ROBO1: variants seen among roughly 807,000 people sequenced by gnomAD.
ROBO1 encodes the protein roundabout guidance receptor 1.
Under a neutral mutation model 195.9 loss-of-function variants are expected in ROBO1, and 149 were observed. That is an observed-to-expected ratio of 0.76 (90% CI 0.67 to 0.87). The LOEUF (loss-of-function observed/expected upper bound fraction) is 0.87. Among genes scored for constraint, ROBO1 ranks in the 40% least tolerant of loss-of-function variants. ROBO1 has a pLI of 0.00. For synonymous variants in ROBO1, 816 were observed against 733.2 expected, an observed-to-expected ratio of 1.11 and a Z score of -1.82; for missense variants, 1,933 against 2,068.3, an observed-to-expected ratio of 0.93 and a Z score of 1.27.
At chr3:79,664,556 T>G (rs1946421285) in intron 1 of ROBO1, among the ~76,000 whole-genome samples, 1 of 151,996 alleles carries the variant, frequency 6.6e-6, no homozygotes. Flanking sequence ...TAGGATTGGC[T>G]TCAATTTATT....
chr3:79,051,932 G>A (rs1186670103), intron 3 of ROBO1, among the ~76,000 whole-genome samples: 2 of 152,020 alleles, frequency 1.3e-5, no homozygotes, highest in African/African-American at 4.8e-5. Flanking sequence ...GAGGATGTAT[G>A]TTGCCTCAGG....
intron 8 of ROBO1, among the ~76,000 whole-genome samples, chr3:78,712,614 A>G (rs1012364758): frequency 6.6e-6 from 1 of 152,184 alleles, no homozygotes; most frequent in Non-Finnish European, 1.5e-5. Context: ...TATATCCTCA[A>G]CTATATAAAG....
chr3:79,582,400 T>C (rs1943690837), intron 2 of ROBO1, among the ~76,000 whole-genome samples: 1 of 151,814 alleles, frequency 6.6e-6, no homozygotes, highest in Non-Finnish European at 1.5e-5. Context: ...TATTCTATTA[T>C]AATAATAATT....
intron 2 of ROBO1, among the ~76,000 whole-genome samples, chr3:79,288,634 T>C (rs1428685886): frequency 6.6e-6 from 1 of 152,176 alleles, no homozygotes. Context: ...AATCAATCTT[T>C]CCTTACATTC....
chr3:79,052,798 T>C (rs537359611), intron 3 of ROBO1, among the ~76,000 whole-genome samples: 219 of 152,202 alleles, frequency 1.4e-3, no homozygotes, highest in African/African-American at 5.0e-3. Flanking sequence ...GGAACCCAAT[T>C]CCCTTTGGTA....
intron 4 of ROBO1, among the ~76,000 whole-genome samples, chr3:78,748,335 C>T (rs529458789): frequency 6.6e-6 from 1 of 152,208 alleles, no homozygotes; most frequent in South Asian, 2.1e-4. Context: ...ATCCCAGCTA[C>T]TCCGGAGGCT....
At chr3:79,221,786 C>T (rs1390571211) in intron 2 of ROBO1, among the ~76,000 whole-genome samples, 1 of 151,994 alleles carries the variant, frequency 6.6e-6, no homozygotes, top group Non-Finnish European at 1.5e-5. Context: ...ATTAAAAATT[C>T]AAGTAAACAT....
chr3:79,758,693 A>G (rs1704535446), intron 1 of ROBO1, among the ~76,000 whole-genome samples: 1 of 152,164 alleles, frequency 6.6e-6, no homozygotes, highest in Admixed American at 6.5e-5. Flanking sequence ...TTGGAAACAG[A>G]GTGGTGTGTT....
At chr3:79,339,171 C>T (rs545974191) in intron 2 of ROBO1, among the ~76,000 whole-genome samples, 1 of 152,286 alleles carries the variant, frequency 6.6e-6, no homozygotes, top group South Asian at 2.1e-4. Context: ...TTGTAATAGT[C>T]CCCTGTCTCT....
chr3:79,750,106 C>T (rs986036009), intron 1 of ROBO1, among the ~76,000 whole-genome samples: 10 of 152,250 alleles, frequency 6.6e-5, no homozygotes, highest in Non-Finnish European at 1.5e-4. Flanking sequence ...ACGACTCTTG[C>T]ATCAGCATGA....
At chr3:78,849,530 T>C (rs929048385) in intron 4 of ROBO1, among the ~76,000 whole-genome samples, 1 of 152,180 alleles carries the variant, frequency 6.6e-6, no homozygotes, top group African/African-American at 2.4e-5. Context: ...TTTGATAGTC[T>C]GGAGTTATTA....
chr3:79,481,665 A>G (rs377767289), intron 2 of ROBO1, among the ~76,000 whole-genome samples: 14 of 152,276 alleles, frequency 9.2e-5, no homozygotes, highest in Non-Finnish European at 1.0e-4. Context: ...AACCATTTTT[A>G]GTGCCAACAT....
intron 2 of ROBO1, among the ~76,000 whole-genome samples, chr3:79,247,505 T>A (rs2082646631): frequency 6.6e-6 from 1 of 151,882 alleles, no homozygotes; most frequent in African/African-American, 2.4e-5. Context: ...ACTAAGAGAA[T>A]CTTGTTTAAG....
chr3:78,893,926 A>C (rs2107396372), intron 4 of ROBO1, among the ~76,000 whole-genome samples: 1 of 152,258 alleles, frequency 6.6e-6, no homozygotes, highest in South Asian at 2.1e-4. Context: ...ATTTTGACAT[A>C]TTTGCTTTCC....
At chr3:79,360,335 A>G (rs2035718809) in intron 2 of ROBO1, among the ~76,000 whole-genome samples, 3 of 152,006 alleles carry the variant, frequency 2.0e-5, no homozygotes, top group African/African-American at 7.2e-5. Flanking sequence ...ACTCTTAACT[A>G]TCCGTGAATA....
intron 8 of ROBO1, among the ~76,000 whole-genome samples, chr3:78,692,705 C>A (rs916955636): frequency 4.6e-5 from 7 of 152,264 alleles, no homozygotes; most frequent in Admixed American, 3.3e-4. Context: ...AATGATTGGA[C>A]CTTCCTCCAA....
At chr3:79,520,599 T>C (rs1338162475) in intron 2 of ROBO1, among the ~76,000 whole-genome samples, 1 of 152,180 alleles carries the variant, frequency 6.6e-6, no homozygotes, top group Admixed American at 6.5e-5. Flanking sequence ...TAAGACATAT[T>C]GTGAAATTAA....
chr3:78,938,672 CCTT>C lies in ROBO1; in HGVS notation c.425_427del (p.Glu142del), dbSNP rs1436380493. On this transcript the variant is annotated inframe_deletion, in exon 4 of 31. Transcript: ENST00000464233. ...ATTCCTTGCTACACAGACATAGACT[CCTT>C]CATCAGGTCTACTTTTCCGTCCATG... is the stretch of plus-strand genomic sequence containing the variant. 1.3e-5 allele frequency: 21 copies of C among 1,613,996 alleles called. No homozygotes were observed. Among genetic ancestry groups the C allele is most frequent in the Non-Finnish European group, 1.7e-5 (20 of 1,179,886 alleles).
intron 8 of ROBO1, among the ~76,000 whole-genome samples, chr3:78,697,615 T>C (rs1375641441): frequency 6.6e-6 from 1 of 152,186 alleles, no homozygotes; most frequent in Non-Finnish European, 1.5e-5. Flanking sequence ...TTGCCAACTA[T>C]GATGTCTCTA....
Sources: gnomAD v4.1 joint callset for allele counts (sites outside exome capture counted in the v4.1 genomes callset) on GRCh38, gnomAD v4.1.1 for gene constraint, MANE v1.5 for transcripts, NCBI Gene and HGNC (gene_info 2026-07-23, HGNC 2026-07-21) for gene names.